Variants in CDAN1 observed in about 807,000 individuals in gnomAD.
CDAN1 encodes codanin 1.
CDAN1 carries 107 observed loss-of-function variants against 139.8 expected under a neutral mutation model. That is an observed-to-expected ratio of 0.77 (90% CI 0.65 to 0.90). The LOEUF (loss-of-function observed/expected upper bound fraction) is 0.90, where lower values mean the gene tolerates loss of function less well. Among genes scored for constraint, CDAN1 ranks in the 40% least tolerant of loss-of-function variants. The pLI, the probability that CDAN1 is intolerant of heterozygous loss-of-function variation, is 0.00. For missense variants in CDAN1, 1,667 were observed against 1,575.7 expected (o/e 1.06, Z -0.98); for synonymous variants, 776 against 660.6 (o/e 1.17, Z -2.68).
chr15:42,727,574 AG>A (rs764485826), intron 23 of CDAN1, 46 bp downstream of exon 23: 150 of 1,480,072 alleles, frequency 1.0e-4, no homozygotes, highest in Non-Finnish European at 1.3e-4. Flanking sequence ...GGAACAGAGC[AG>A]GGGGGTGGGA....
intron 13 of CDAN1, 79 bp downstream of exon 13, chr15:42,730,846 T>C: frequency 6.8e-6 from 11 of 1,612,766 alleles, no homozygotes; most frequent in African/African-American, 1.3e-5. Context: ...GTTTCCAGAA[T>C]AGCCAAGGAA....
Position 42,729,091 on chromosome 15 carries a change from C to A in CDAN1, c.2577G>T (p.Pro859=), listed in dbSNP as rs368274213. 1 of 1,614,186 alleles carries A rather than the reference C, an allele frequency of 6.2e-7. No individual in the cohort carries two copies. The highest frequency in any genetic ancestry group is 1.1e-5 in the South Asian group (1 of 91,082). The change falls in exon 19 of 28, where the codon CCG becomes CCT. Residue 859 remains proline, a synonymous_variant. Coordinates refer to ENST00000356231, the MANE Select transcript of CDAN1 (RefSeq NM_138477.4). ...QLAQAFFHNQ[P]PSLRRTVEFV... ...ACTCTACGGTCCGGCGCAAGGAGGG[C>A]GGCTGGTTGTGGAAAAAGGCCTGGG...
intron 26 of CDAN1, 63 bp downstream of exon 26, chr15:42,725,426 G>A (rs1173516298): frequency 2.2e-5 from 35 of 1,594,042 alleles, no homozygotes; most frequent in Non-Finnish European, 2.8e-5. Flanking sequence ...CTCATAGTTT[G>A]GGGCAAGGGT....
In CDAN1 at chr15:42,727,974, C is replaced by T; in HGVS notation, c.2928G>A (p.Trp976Ter). The T allele has an allele frequency of 2.5e-6, 4 of 1,614,162 alleles. No individual in the cohort carries two copies. Among genetic ancestry groups the T allele is most frequent in the Admixed American group, 1.7e-5 (1 of 60,036 alleles). The change falls in exon 22 of 28, where the codon TGG (tryptophan) becomes TGA (stop). Residue 976 changes from tryptophan to a stop codon, truncating the protein, a stop_gained. Transcript: ENST00000356231. LOFTEE classifies it high-confidence loss of function. ...CCTTACCTGTGATGTTGGCTGACAG[C>T]CAAGCACAGGCTTTCTCTGTTGCAA... ...VGLATEKACA[W>*]LSANITALIR...
chr15:42,725,443 TG>T (rs1566978331), intron 26 of CDAN1, 45 bp downstream of exon 26: 1 of 1,609,732 alleles, frequency 6.2e-7, no homozygotes, highest in Non-Finnish European at 8.5e-7. Context: ...GGGTGGTGGA[TG>T]TTCAGAGTGT....
chr15:42,724,545 TAGCTGGGGTTCTGGC>T lies in CDAN1; in HGVS notation c.3615_3629del (p.Pro1206_Leu1210del). 1 of 1,562,060 alleles carries T rather than the reference TAGCTGGGGTTCTGGC, an allele frequency of 6.4e-7. No individual in the cohort carries two copies. The highest frequency in any genetic ancestry group is 8.7e-7 in the Non-Finnish European group (1 of 1,152,152). On this transcript the variant is annotated inframe_deletion, in exon 28 of 28. Transcript: ENST00000356231. ...TTGGCTGCACCAACTCACAGGCTCTTAGCTGGGGTTCTGGCAGGTGGGGCTCGGCTAGAAACAGAT... is the reference window on the plus strand; with the variant it reads ...TTGGCTGCACCAACTCACAGGCTCTTAGGTGGGGCTCGGCTAGAAACAGAT...
At chr15:42,728,142 C>T (rs2061557259) in intron 21 of CDAN1, 62 bp downstream of exon 21, 1 of 1,598,358 alleles carries the variant, frequency 6.3e-7, no homozygotes, top group Admixed American at 1.7e-5. Context: ...CAGCCTCAGA[C>T]TACTCCGTGC....
In CDAN1 at chr15:42,730,755, C is replaced by A. The variant is rs1003357025; in HGVS notation, c.2017G>T (p.Val673Phe). The change falls in exon 14 of 28, where the codon GTC becomes TTC. Residue 673 changes from valine (V) to phenylalanine (F), a missense_variant. This residue lies in a region of CDAN1 where 936 missense variants were observed against 844.1 expected (regional missense o/e 1.11). Transcript: ENST00000356231. Reference protein sequence around the residue: ...ILALRSQVPPVLDVRTLLQRG... With the variant: ...ILALRSQVPPFLDVRTLLQRG... The stretch of plus-strand genomic sequence containing the variant: ...TGCAGCAGAGTCCGCACATCCAGGA[C>A]CGGAGGGACCTGGGAGGGCCAGAGC... The A allele has an allele frequency of 1.2e-6, 2 of 1,612,168 alleles. No homozygotes were observed. The highest frequency in any genetic ancestry group is 1.7e-6 in the Non-Finnish European group (2 of 1,179,088).
chr15:42,732,365 AGTGGCT>A lies in CDAN1; in HGVS notation c.1495_1500del (p.Ser499_His500del). The A allele has an allele frequency of 6.2e-7, 1 of 1,614,132 alleles. No individual in the cohort carries two copies. Among genetic ancestry groups the A allele is most frequent in the Non-Finnish European group, 8.5e-7 (1 of 1,179,996 alleles). The stretch of plus-strand genomic sequence containing the variant: ...AGTTGTTTTTGGAAAAGCCGAACAA[AGTGGCT>A]GTGGCTGCAGGCTGCGGAGAGCTGA... On this transcript the variant is annotated inframe_deletion, in exon 10 of 28. Transcript: ENST00000356231.
chr15:42,728,354 C>A (rs2061560816), intron 20 of CDAN1, 87 bp from the exon 21 acceptor site: 1 of 1,443,456 alleles, frequency 6.9e-7, no homozygotes, highest in South Asian at 1.1e-5. Flanking sequence ...AAGCCCCTGA[C>A]CTGGGAGGCT....
In CDAN1 at chr15:42,734,311, A is replaced by T; in HGVS notation, c.1172T>A (p.Leu391Gln). The T allele has an allele frequency of 6.2e-7, 1 of 1,614,190 alleles. No homozygotes were observed. Among genetic ancestry groups the T allele is most frequent in the Non-Finnish European group, 8.5e-7 (1 of 1,180,034 alleles). Residue 391 changes from leucine to glutamine, a missense_variant, in exon 7 of 28, where the codon CTG becomes CAG. Coordinates refer to ENST00000356231, the MANE Select transcript of CDAN1 (RefSeq NM_138477.4). The part of the protein sequence containing the change: ...LSNLDKGTLK[L>Q]LAENERLLCF... Reference sequence around the variant, plus strand: ...CAGCAGCCGCTCATTCTCAGCCAGCAGCTTCAAGGTCCCTTTGTCCAGGTT... The same window carrying T: ...CAGCAGCCGCTCATTCTCAGCCAGCTGCTTCAAGGTCCCTTTGTCCAGGTT...
chr15:42,730,716 C>T lies in CDAN1; in HGVS notation c.2056G>A (p.Ala686Thr). The T allele has an allele frequency of 6.2e-7, 1 of 1,613,178 alleles. No homozygotes were observed. The highest frequency in any genetic ancestry group is 8.5e-7 in the Non-Finnish European group (1 of 1,179,572). ...GGCACGGTGAGCACCGCCCGGCGGG[C>T]CTGCAGCCCTCGCTGCAGCAGAGTC... ...VRTLLQRGLQ[A>T]RRAVLTVPWL... Residue 686 changes from alanine (A) to threonine (T), a missense_variant, in exon 14 of 28, where the codon GCC becomes ACC. Physicochemically the swap from Ala to Thr is moderately conservative, Grantham distance 58. Around this residue, in one of 3 missense-constraint regions of CDAN1, gnomAD observed 936 missense variants for 844.1 expected, o/e 1.11. Transcript: ENST00000356231.
chr15:42,732,195 C>T (rs1479500502), intron 10 of CDAN1, 138 bp downstream of exon 10: 8 of 850,294 alleles, frequency 9.4e-6, no homozygotes, highest in South Asian at 1.4e-5. Flanking sequence ...TCAGCCACTC[C>T]GCGAGGAGTA....
rs1332995887 is a variant in CDAN1, at chr15:42,728,415, G to A, written c.2805-148C>T. On this transcript the variant is annotated intron_variant, in intron 20 of 27. Coordinates refer to ENST00000356231, the MANE Select transcript of CDAN1 (RefSeq NM_138477.4). ...CCCTCCCGCCCCACCCCAGGTGCCA[G>A]AGAAAAGACAAGCCCAACTGCCAGC... 6.1e-6 allele frequency: 5 copies of A among 824,250 alleles called. 1 individual carries two copies. The highest frequency in any genetic ancestry group is 5.7e-5 in the South Asian group (4 of 70,368). 51.1% of individuals were successfully genotyped at this position (824,250 alleles called of 1,614,324 possible).
chr15:42,729,502 G>A (rs528658595), intron 17 of CDAN1, 66 bp downstream of exon 17: 2 of 1,607,506 alleles, frequency 1.2e-6, no homozygotes, highest in South Asian at 2.2e-5. Flanking sequence ...GCTGGGCCAA[G>A]GGGGTGCCTT....
chr15:42,729,453 T>C (rs2061579819), intron 17 of CDAN1, 91 bp from the exon 18 acceptor site: 1 of 1,600,350 alleles, frequency 6.2e-7, no homozygotes, highest in South Asian at 1.1e-5. Flanking sequence ...GAGGCTCAGA[T>C]ACCCAGGAAT....
intron 4 of CDAN1, 33 bp from the exon 5 acceptor site, chr15:42,735,407 G>A (rs1358272852): frequency 6.3e-7 from 1 of 1,590,810 alleles, no homozygotes; most frequent in Admixed American, 1.8e-5. Flanking sequence ...CCCATGGTAT[G>A]GGCACCATTT....
chr15:42,730,878 G>C, intron 13 of CDAN1, 47 bp downstream of exon 13: 1 of 1,613,866 alleles, frequency 6.2e-7, no homozygotes, highest in Non-Finnish European at 8.5e-7. Flanking sequence ...TCAGTGCCTG[G>C]CCGGTCCTCC....
rs1382903322 is a variant in CDAN1 at position 42,735,201 on chromosome 15, T to A, written c.1058-23A>T. The A allele has an allele frequency of 3.1e-6, 5 of 1,608,646 alleles. No individual in the cohort carries two copies. In the South Asian group the frequency reaches 5.5e-5, roughly 18 times the overall value. On this transcript the variant is annotated intron_variant, in intron 5 of 27. Coordinates refer to ENST00000356231, the MANE Select transcript of CDAN1 (RefSeq NM_138477.4). Reference sequence around the variant, plus strand: ...AATCTAGAAGGACAGTACCAAGCTGTCAGTTAAGAACGGTCCCGTTTCTAG... The same window carrying A: ...AATCTAGAAGGACAGTACCAAGCTGACAGTTAAGAACGGTCCCGTTTCTAG...
Sources: gnomAD v4.1 joint callset for allele counts on GRCh38, gnomAD v4.1.1 for gene constraint, gnomAD v4.1.1 regional missense constraint, MANE v1.5 for transcripts, NCBI Gene and HGNC (gene_info 2026-07-23, HGNC 2026-07-21) for gene names.